TAFA2: variants seen among roughly 807,000 people sequenced by gnomAD.
The protein encoded by TAFA2 is chemokine-like protein TAFA-2.
TAFA2 carries 7 observed loss-of-function variants against 18.8 expected under a neutral mutation model. The ratio of observed to expected loss-of-function variants is 0.37; its 90% CI spans 0.21 to 0.70. The LOEUF is 0.70. Among genes scored for constraint, TAFA2 ranks in the 30% least tolerant of loss-of-function variants. The pLI, the probability that TAFA2 is intolerant of heterozygous loss-of-function variation, is 0.53. For missense variants in TAFA2, 122 were observed against 158.1 expected (o/e 0.77, Z 1.23); for synonymous variants, 60 against 54.2 (o/e 1.11, Z -0.47).
chr12:61,762,056 G>T (rs1470457422), intron 2 of TAFA2, among the ~76,000 whole-genome samples: 6 of 152,078 alleles, frequency 3.9e-5, no homozygotes, highest in Admixed American at 1.3e-4. Context: ...ATGATTGATT[G>T]TAAGTTTCCT....
intron 2 of TAFA2, among the ~76,000 whole-genome samples, chr12:61,825,568 G>T (rs1452547145): frequency 6.6e-6 from 1 of 152,048 alleles, no homozygotes; most frequent in African/African-American, 2.4e-5. Flanking sequence ...TTGGGTTTAT[G>T]ATGGGTAAAA....
At chr12:61,818,095 T>G (rs1051609372) in intron 2 of TAFA2, among the ~76,000 whole-genome samples, 4 of 152,140 alleles carry the variant, frequency 2.6e-5, no homozygotes, top group African/African-American at 9.7e-5. Flanking sequence ...AGAATCCACA[T>G]CTCCCTCTAT....
At chr12:62,155,389 A>G (rs1397285019) in intron 1 of TAFA2, among the ~76,000 whole-genome samples, 1 of 152,174 alleles carries the variant, frequency 6.6e-6, no homozygotes, top group African/African-American at 2.4e-5. Context: ...CAATCTACAA[A>G]TTCAATGCAA....
chr12:61,936,429 G>A (rs1877771404), intron 1 of TAFA2, among the ~76,000 whole-genome samples: 1 of 152,004 alleles, frequency 6.6e-6, no homozygotes, highest in Admixed American at 6.6e-5. Flanking sequence ...TTAGCCAGGT[G>A]TGGTGGTGGG....
chr12:61,762,297 G>T (rs1161049785), intron 2 of TAFA2, among the ~76,000 whole-genome samples: 1 of 152,030 alleles, frequency 6.6e-6, no homozygotes, highest in Non-Finnish European at 1.5e-5. Context: ...AATGCAGTAA[G>T]TGTATCACTG....
At chr12:62,149,761 T>C in intron 1 of TAFA2, among the ~76,000 whole-genome samples, 1 of 152,074 alleles carries the variant, frequency 6.6e-6, no homozygotes, top group South Asian at 2.1e-4. Context: ...CTAAATACTT[T>C]CCTCCAACTC....
intron 2 of TAFA2, among the ~76,000 whole-genome samples, chr12:61,865,124 GA>G: frequency 6.6e-6 from 1 of 152,074 alleles, no homozygotes; most frequent in Non-Finnish European, 1.5e-5. Flanking sequence ...TGAAAGGAAA[GA>G]AAAATCTTTT....
chr12:62,010,501 C>T (rs376108923), intron 1 of TAFA2, among the ~76,000 whole-genome samples: 10 of 152,304 alleles, frequency 6.6e-5, no homozygotes, highest in Admixed American at 2.6e-4. Flanking sequence ...GATCTCAGCT[C>T]GCTGCAACCT....
intron 2 of TAFA2, among the ~76,000 whole-genome samples, chr12:61,808,342 T>C (rs943187078): frequency 4.0e-5 from 6 of 151,570 alleles, no homozygotes; most frequent in African/African-American, 1.2e-4. Flanking sequence ...AAATGGTCAA[T>C]AAACCTCTTT....
chr12:61,762,231 G>A (rs1869583580), intron 2 of TAFA2, among the ~76,000 whole-genome samples: 1 of 152,030 alleles, frequency 6.6e-6, no homozygotes, highest in Non-Finnish European at 1.5e-5. Flanking sequence ...ACCTTTCTAT[G>A]CCTTCCTGAA....
At chr12:61,816,046 G>C (rs1299941943) in intron 2 of TAFA2, among the ~76,000 whole-genome samples, 4 of 151,262 alleles carry the variant, frequency 2.6e-5, no homozygotes, top group African/African-American at 9.9e-5. Context: ...TTTTAGGCTT[G>C]AGGGTGCATG....
intron 1 of TAFA2, among the ~76,000 whole-genome samples, chr12:61,992,205 TAGA>T (rs1880035086): frequency 6.6e-6 from 1 of 152,220 alleles, no homozygotes; most frequent in African/African-American, 2.4e-5. Context: ...TGGTTCCATT[TAGA>T]AGTCCATAAA....
chr12:61,985,236 T>C (rs1879772391), intron 1 of TAFA2, among the ~76,000 whole-genome samples: 1 of 152,208 alleles, frequency 6.6e-6, no homozygotes, highest in South Asian at 2.1e-4. Context: ...TTTGAGTTAC[T>C]TAATATGGCC....
chr12:61,880,654 G>T, intron 1 of TAFA2: 1 of 361,462 alleles, frequency 2.8e-6, no homozygotes, highest in Non-Finnish European at 5.4e-6. Flanking sequence ...TCTAGCTTTG[G>T]CTCTGTTGCA....
chr12:61,783,509 T>G (rs1870596099), intron 2 of TAFA2, among the ~76,000 whole-genome samples: 1 of 151,578 alleles, frequency 6.6e-6, no homozygotes, highest in African/African-American at 2.4e-5. Context: ...TGGCACAGAG[T>G]ACATGTTCAA....
intron 4 of TAFA2, among the ~76,000 whole-genome samples, chr12:61,725,473 T>A (rs1460971879): frequency 6.6e-6 from 1 of 152,026 alleles, no homozygotes; most frequent in East Asian, 1.9e-4. Flanking sequence ...AGGTGGGAGA[T>A]GAGGATCCAG....
intron 1 of TAFA2, among the ~76,000 whole-genome samples, chr12:62,036,801 C>T (rs1396367272): frequency 1.3e-5 from 2 of 152,170 alleles, no homozygotes; most frequent in African/African-American, 4.8e-5. Context: ...AGAAGTTGCA[C>T]CACCAGAAGC....
intron 1 of TAFA2, among the ~76,000 whole-genome samples, chr12:61,895,949 A>C (rs549348655): frequency 1.4e-4 from 21 of 152,236 alleles, no homozygotes; most frequent in African/African-American, 4.8e-4. Flanking sequence ...TAGCACCCCC[A>C]AAAACAGATT....
At chr12:61,857,769 T>C (rs987867710) in intron 2 of TAFA2, among the ~76,000 whole-genome samples, 9 of 140,118 alleles carry the variant, frequency 6.4e-5, no homozygotes, top group South Asian at 2.4e-4. Flanking sequence ...ACCCCCTCCT[T>C]CTCCTGCACC....
Sources: allele counts gnomAD v4.1 joint callset (sites outside exome capture counted in the v4.1 genomes callset), GRCh38; gene constraint gnomAD v4.1.1; transcripts MANE v1.5; gene names NCBI Gene and HGNC (gene_info 2026-07-23, HGNC 2026-07-21).